TMEM200A: variants seen among roughly 807,000 people sequenced by gnomAD.
TMEM200A encodes transmembrane protein 200A, also known as two transmembrane C.
In TMEM200A, 12 loss-of-function variants were observed where a neutral mutation model predicts 24.3. That is an observed-to-expected ratio of 0.49 (90% CI 0.32 to 0.80). The LOEUF (loss-of-function observed/expected upper bound fraction) is 0.80. Ranked by LOEUF, TMEM200A falls within the 30% of genes least tolerant of loss-of-function variation. The pLI is 0.04. For missense variants in TMEM200A, 545 were observed against 614.4 expected (o/e 0.89, Z 1.19); for synonymous variants, 224 against 224.4 (o/e 1.00, Z 0.02).
At position 130,442,984 on chromosome 6, in the gene TMEM200A, T is replaced by TA. The variant is rs373474331; in HGVS notation, c.*1087dup. ...CTTATGATAACTCCAAAGACTTTCT[T>TA]ACGGTATAATACATGTTGTTTAGGA... On this transcript the variant is annotated 3_prime_UTR_variant, in exon 3 of 3. Coordinates refer to ENST00000296978, the MANE Select transcript of TMEM200A (RefSeq NM_001258277.2). 2.2e-4 allele frequency: 37 copies of TA among 167,188 alleles called. No homozygotes were observed. The highest frequency in any genetic ancestry group is 8.7e-4 in the African/African-American group (36 of 41,586). The allele number at this position is 167,188 out of a possible 1,614,324, so 10.4% of individuals were successfully genotyped here.
intron 2 of TMEM200A, among the ~76,000 whole-genome samples, chr6:130,416,727 T>C (rs904605172): frequency 6.6e-6 from 1 of 152,174 alleles, no homozygotes; most frequent in Non-Finnish European, 1.5e-5. Flanking sequence ...GCAGCATGAA[T>C]ATTATAAAAA....
In TMEM200A at chr6:130,373,749, G is replaced by A. The variant is rs563185302; in HGVS notation, c.-81+7225G>A. On this transcript the variant is annotated intron_variant, in intron 1 of 2. Coordinates refer to ENST00000296978, the MANE Select transcript of TMEM200A (RefSeq NM_001258277.2). ...CTTCTTTTAAAAAGATTCGTGGAAC[G>A]ATAATTCCTGGGTCAAAGGGTATGA... Among the ~76,000 whole-genome samples, 28 of 152,206 alleles carry A rather than the reference G, an allele frequency of 1.8e-4. No individual in the cohort carries two copies. The East Asian group carries it at 4.4e-3, about 24-fold the overall frequency.
chr6:130,437,698 C>T (rs574677195), intron 2 of TMEM200A: 90 of 152,174 alleles, frequency 5.9e-4, no homozygotes, highest in African/African-American at 2.1e-3. Context: ...TGTTTCTATC[C>T]ATTTTCATAC....
chr6:130,435,360 C>T (rs1779977463), intron 2 of TMEM200A, among the ~76,000 whole-genome samples: 1 of 152,086 alleles, frequency 6.6e-6, no homozygotes, highest in South Asian at 2.1e-4. Context: ...TTAAGTGTGG[C>T]TGGCCTTCTA....
chr6:130,388,515 T>G (rs371504695), intron 2 of TMEM200A, among the ~76,000 whole-genome samples: 2 of 152,226 alleles, frequency 1.3e-5, no homozygotes, highest in African/African-American at 4.8e-5. Context: ...GATTCTCGCT[T>G]GTACATGTTT....
chr6:130,383,580 T>C lies in TMEM200A; in HGVS notation c.-80-1593T>C, dbSNP rs74414075. ...ATACTGATCAATAAATTATGAGCTG[T>C]TGTGATTTAAAACGCTAGTAAGTAT... On this transcript the variant is annotated intron_variant, in intron 1 of 2. Transcript: ENST00000296978. 4.2e-3 allele frequency among the ~76,000 whole-genome samples: 636 copies of C among 152,362 alleles called. 7 individuals carry two copies. The highest frequency in any genetic ancestry group is 0.014 in the African/African-American group (592 of 41,590).
chr6:130,383,274 A>G (rs1025933024), intron 1 of TMEM200A, among the ~76,000 whole-genome samples: 1 of 152,182 alleles, frequency 6.6e-6, no homozygotes, highest in African/African-American at 2.4e-5. Context: ...ATTGCTAGGA[A>G]GTCAGCAATG....
chr6:130,382,446 T>C (rs1172894872), intron 1 of TMEM200A, among the ~76,000 whole-genome samples: 1 of 152,222 alleles, frequency 6.6e-6, no homozygotes, highest in Non-Finnish European at 1.5e-5. Context: ...TAGACCCACC[T>C]TGAATTAGTG....
chr6:130,389,312 C>T (rs1021850086), intron 2 of TMEM200A, among the ~76,000 whole-genome samples: 4 of 152,130 alleles, frequency 2.6e-5, no homozygotes, highest in Non-Finnish European at 5.9e-5. Flanking sequence ...GATTTCCAGC[C>T]CTGGGCACTC....
intron 2 of TMEM200A, among the ~76,000 whole-genome samples, chr6:130,386,128 T>C (rs1465821288): frequency 6.6e-6 from 1 of 152,242 alleles, no homozygotes. Context: ...GAGAGCTTTT[T>C]GGCTTTCATT....
chr6:130,409,677 G>T (rs1480066522), intron 2 of TMEM200A, among the ~76,000 whole-genome samples: 1 of 152,106 alleles, frequency 6.6e-6, no homozygotes, highest in African/African-American at 2.4e-5. Context: ...CTAGCAGGTG[G>T]TTAGACAAAA....
intron 2 of TMEM200A, among the ~76,000 whole-genome samples, chr6:130,391,277 G>C (rs2115109219): frequency 6.6e-6 from 1 of 152,334 alleles, no homozygotes; most frequent in Non-Finnish European, 1.5e-5. Context: ...ATTATATGCA[G>C]TGGATTTTTA....
chr6:130,427,242 T>C (rs1420062861), intron 2 of TMEM200A, among the ~76,000 whole-genome samples: 1 of 152,216 alleles, frequency 6.6e-6, no homozygotes, highest in African/African-American at 2.4e-5. Context: ...ATAATACAGT[T>C]ACATATAAGT....
chr6:130,399,734 ATAAG>A (rs768864595), intron 2 of TMEM200A, among the ~76,000 whole-genome samples: 6 of 151,336 alleles, frequency 4.0e-5, no homozygotes, highest in East Asian at 1.9e-4. Flanking sequence ...ATTTGATTAC[ATAAG>A]TAAGTTCTTT....
intron 2 of TMEM200A, among the ~76,000 whole-genome samples, chr6:130,427,479 T>C (rs1182737817): frequency 6.6e-6 from 1 of 152,212 alleles, no homozygotes; most frequent in Non-Finnish European, 1.5e-5. Flanking sequence ...GCCATTACTA[T>C]CGTGCTGCAG....
chr6:130,374,696 T>G (rs1053391530), intron 1 of TMEM200A, among the ~76,000 whole-genome samples: 1 of 152,142 alleles, frequency 6.6e-6, no homozygotes. Context: ...AGTACTGGGA[T>G]TACAAGTGTG....
At chr6:130,405,169 AT>A (rs959817177) in intron 2 of TMEM200A, among the ~76,000 whole-genome samples, 1 of 151,682 alleles carries the variant, frequency 6.6e-6, no homozygotes, top group East Asian at 1.9e-4. Flanking sequence ...GAATTTAAAA[AT>A]TTTTTTTTCT....
intron 2 of TMEM200A, among the ~76,000 whole-genome samples, chr6:130,424,852 A>G (rs1268870838): frequency 6.6e-6 from 1 of 152,146 alleles, no homozygotes; most frequent in Non-Finnish European, 1.5e-5. Flanking sequence ...GCCAGTCTGA[A>G]TGCATGCAAA....
At chr6:130,422,283 T>C (rs118140545) in intron 2 of TMEM200A, among the ~76,000 whole-genome samples, 2,778 of 152,268 alleles carry the variant, frequency 0.018, 23 homozygotes, top group Non-Finnish European at 0.027. Context: ...TTTTTATTTT[T>C]TTTAAGATGG....
Sources: allele counts gnomAD v4.1 joint callset (sites outside exome capture counted in the v4.1 genomes callset), GRCh38; gene constraint gnomAD v4.1.1; transcripts MANE v1.5; gene names NCBI Gene and HGNC (gene_info 2026-07-23, HGNC 2026-07-21).